Variants in KALRN observed in about 807,000 individuals in gnomAD.
KALRN encodes the protein kalirin RhoGEF kinase.
In KALRN, 70 loss-of-function variants were observed where a neutral mutation model predicts 353.7. The observed-to-expected ratio is 0.20, with a 90% CI of 0.16 to 0.24. The LOEUF (loss-of-function observed/expected upper bound fraction) is 0.24. Among genes scored for constraint, KALRN ranks in the 10% least tolerant of loss-of-function variants. The pLI is 1.00. For missense variants in KALRN, 2,791 were observed against 3,756.7 expected (o/e 0.74, Z 6.72); for synonymous variants, 1,391 against 1,434.8 (o/e 0.97, Z 0.69).
chr3:124,047,628 A>C (rs2040612046), intron 1 of KALRN, among the ~76,000 whole-genome samples: 1 of 150,404 alleles, frequency 6.6e-6, no homozygotes, highest in Non-Finnish European at 1.5e-5. Flanking sequence ...AAGTAGCTGC[A>C]ACTACAGGCG....
At chr3:124,504,467 C>T (rs1443620386) in intron 33 of KALRN, among the ~76,000 whole-genome samples, 1 of 152,106 alleles carries the variant, frequency 6.6e-6, no homozygotes, top group Non-Finnish European at 1.5e-5. Flanking sequence ...CTACTATTAC[C>T]CTCCCATCCA....
At chr3:124,624,193 C>G (rs745728231) in intron 34 of KALRN, among the ~76,000 whole-genome samples, 1 of 152,150 alleles carries the variant, frequency 6.6e-6, no homozygotes, top group Non-Finnish European at 1.5e-5. Flanking sequence ...TGCTACCTGC[C>G]CATTAGTCAC....
intron 15 of KALRN, among the ~76,000 whole-genome samples, chr3:124,423,443 A>C (rs557429007): frequency 6.6e-6 from 1 of 152,386 alleles, no homozygotes; most frequent in African/African-American, 2.4e-5. Flanking sequence ...TGATTATTAT[A>C]GGAAAGTTTT....
At chr3:124,280,562 AG>A in intron 5 of KALRN, among the ~76,000 whole-genome samples, 1 of 152,130 alleles carries the variant, frequency 6.6e-6, no homozygotes, top group Middle Eastern at 3.2e-3. Context: ...CAAGTGGATG[AG>A]GGGTAATGGG....
intron 10 of KALRN, among the ~76,000 whole-genome samples, chr3:124,362,809 C>A (rs1560681545): frequency 1.3e-5 from 2 of 152,194 alleles, no homozygotes; most frequent in Non-Finnish European, 2.9e-5. Context: ...GGACATGTTT[C>A]ATTTTTCTTT....
At chr3:124,110,338 CATATATATCATACTTTGATAT>C in intron 1 of KALRN, among the ~76,000 whole-genome samples, 1 of 47,446 alleles carries the variant, frequency 2.1e-5, no homozygotes, top group Non-Finnish European at 5.7e-5. Flanking sequence ...ATATATATGA[CATATATATCATACTTTGATAT>C]ATATATGACA....
chr3:124,114,991 A>T (rs1171245825), intron 1 of KALRN, among the ~76,000 whole-genome samples: 2 of 152,226 alleles, frequency 1.3e-5, no homozygotes, highest in Non-Finnish European at 2.9e-5. Flanking sequence ...CATGAGAATG[A>T]CAGTGAAGGG....
intron 44 of KALRN, 86 bp downstream of exon 44, chr3:124,661,059 A>G (rs2084808766): frequency 9.2e-7 from 1 of 1,091,588 alleles, no homozygotes; most frequent in Non-Finnish European, 1.4e-6. Context: ...TCTCAGGAGG[A>G]CCGTGGATCC....
chr3:124,657,916 G>A, intron 41 of KALRN, 113 bp downstream of exon 41: 1 of 773,414 alleles, frequency 1.3e-6, no homozygotes, highest in Non-Finnish European at 2.2e-6. Flanking sequence ...CACTTTAGGA[G>A]GCCAAGGTGG....
chr3:124,311,747 G>A (rs942311665), intron 6 of KALRN, among the ~76,000 whole-genome samples: 2 of 152,152 alleles, frequency 1.3e-5, no homozygotes, highest in African/African-American at 4.8e-5. Flanking sequence ...AACTACCCAA[G>A]TTTCCATAAA....
chr3:124,492,821 G>C lies in KALRN; in HGVS notation c.4771G>C (p.Ala1591Pro). Residue 1591 changes from alanine to proline, a missense_variant, in exon 32 of 60, where the codon GCT (alanine) becomes CCT (proline). Ala to Pro is a conservative substitution (Grantham distance 27, BLOSUM62 -1). Transcript: ENST00000682506. ...IQERIIHLKGALKEPLQLPKT... is the reference protein window; with the variant it reads ...IQERIIHLKGPLKEPLQLPKT... ...AGAAAGGATCATTCACCTGAAAGGAGCTTTAAAGGAGCCACTTCAGCTCCC... is the reference window on the plus strand; with the variant it reads ...AGAAAGGATCATTCACCTGAAAGGACCTTTAAAGGAGCCACTTCAGCTCCC... The C allele has an allele frequency of 6.2e-7, 1 of 1,614,134 alleles. No individual in the cohort carries two copies. Among genetic ancestry groups the C allele is most frequent in the Non-Finnish European group, 8.5e-7 (1 of 1,179,994 alleles).
At chr3:124,111,768 G>A (rs2062997500) in intron 1 of KALRN, among the ~76,000 whole-genome samples, 1 of 152,104 alleles carries the variant, frequency 6.6e-6, no homozygotes, top group African/African-American at 2.4e-5. Context: ...GGGATACTCT[G>A]TGTTCAAAAT....
chr3:124,617,935 A>T (rs1391591642), intron 34 of KALRN, among the ~76,000 whole-genome samples: 1 of 152,196 alleles, frequency 6.6e-6, no homozygotes, highest in Non-Finnish European at 1.5e-5. Context: ...ACAAAGCGAT[A>T]CAATTGCTCT....
chr3:124,646,977 G>C (rs1041869042), intron 37 of KALRN, among the ~76,000 whole-genome samples: 3 of 152,104 alleles, frequency 2.0e-5, no homozygotes, highest in African/African-American at 4.8e-5. Flanking sequence ...ACATTTCTAA[G>C]TCTTAAATCA....
chr3:124,403,552 TG>T (rs1233181758), intron 13 of KALRN, among the ~76,000 whole-genome samples: 1 of 152,178 alleles, frequency 6.6e-6, no homozygotes, highest in African/African-American at 2.4e-5. Flanking sequence ...TCTAAATCTA[TG>T]GGGTTCATGT....
intron 34 of KALRN, chr3:124,584,628 G>T (rs2074944171): frequency 2.1e-6 from 3 of 1,406,830 alleles, no homozygotes; most frequent in South Asian, 1.5e-5. Context: ...CTCCCTCCCC[G>T]CCTGGCCCCT....
At chr3:124,645,059 G>T (rs1332761128) in intron 37 of KALRN, among the ~76,000 whole-genome samples, 2 of 152,178 alleles carry the variant, frequency 1.3e-5, no homozygotes, top group Non-Finnish European at 1.5e-5. Flanking sequence ...GTTTTGATTT[G>T]CATTTCTCTA....
chr3:124,430,695 G>A lies in KALRN; in HGVS notation c.2749G>A (p.Ala917Thr), dbSNP rs956518670. 19 of 1,614,050 alleles carry A rather than the reference G, an allele frequency of 1.2e-5. No individual in the cohort carries two copies. The highest frequency in any genetic ancestry group is 6.7e-5 in the East Asian group (3 of 44,890). The change falls in exon 16 of 60, where the codon GCC (alanine) becomes ACC (threonine). Residue 917 changes from alanine (A) to threonine (T), a missense_variant. By Grantham distance (58) the Ala-to-Thr change is moderately conservative. Coordinates refer to ENST00000682506, the MANE Select transcript of KALRN (RefSeq NM_001388419.1). ...CCGCAATGGAGAGTCAATGCTCAAC[G>A]CCAGCCTGGTCAATGCCAGCTCTTT... ...WIRNGESMLN[A>T]SLVNASSLSE...
At chr3:124,699,087 T>G (rs1444411442) in intron 55 of KALRN, among the ~76,000 whole-genome samples, 1 of 152,218 alleles carries the variant, frequency 6.6e-6, no homozygotes, top group African/African-American at 2.4e-5. Flanking sequence ...TTTTAACTCT[T>G]CTTTCTCCTT....
Sources: allele counts gnomAD v4.1 joint callset (sites outside exome capture counted in the v4.1 genomes callset), GRCh38; gene constraint gnomAD v4.1.1; transcripts MANE v1.5; gene names NCBI Gene and HGNC (gene_info 2026-07-23, HGNC 2026-07-21).